ANK2: variants seen among roughly 807,000 people sequenced by gnomAD.
The protein encoded by ANK2 is ankyrin 2, also known as ankyrin-2.
In ANK2, 83 loss-of-function variants were observed where a neutral mutation model predicts 360.5. The ratio of observed to expected loss-of-function variants is 0.23; its 90% confidence interval spans 0.19 to 0.28. ANK2 has a LOEUF of 0.28. ANK2 is among the 10% of genes least tolerant of loss of function. The pLI is 1.00. For synonymous variants in ANK2, 1,740 were observed against 1,759.5 expected (o/e 0.99, Z 0.28); for missense variants, 4,201 against 4,795.7 (o/e 0.88, Z 3.66).
At chr4:113,143,475 G>T (rs2096718409) in intron 1 of ANK2, among the ~76,000 whole-genome samples, 1 of 152,204 alleles carries the variant, frequency 6.6e-6, no homozygotes, top group African/African-American at 2.4e-5. Flanking sequence ...CCAGAATGAA[G>T]TGAGGAGGCT....
chr4:112,974,829 GGTAAAAGTATA>G (rs1308938269), intron 2 of ANK2, among the ~76,000 whole-genome samples: 1 of 150,330 alleles, frequency 6.7e-6, no homozygotes, highest in East Asian at 1.9e-4. Flanking sequence ...TTTTTGTCCT[GGTAAAAGTATA>G]GAAAAAGAAA....
chr4:112,735,497 A>G, the ANK2 span, among the ~76,000 whole-genome samples: 2 of 151,956 alleles, frequency 1.3e-5, no homozygotes, highest in Non-Finnish European at 2.9e-5. Context: ...TTATCTCTTC[A>G]TCTTCCTGTC....
chr4:113,351,422 C>A (rs1308786117), intron 37 of ANK2, among the ~76,000 whole-genome samples: 1 of 151,980 alleles, frequency 6.6e-6, no homozygotes. Context: ...TGGATGTTTT[C>A]ATTGGTTTAT....
At chr4:113,255,683 G>C in intron 10 of ANK2, 52 bp from the exon 11 acceptor site, 1 of 1,592,876 alleles carries the variant, frequency 6.3e-7, no homozygotes, top group Non-Finnish European at 8.6e-7. Context: ...TTTGGAACCT[G>C]AAAATAATGA....
chr4:113,298,440 C>T (rs2073120350), intron 22 of ANK2, among the ~76,000 whole-genome samples: 1 of 152,070 alleles, frequency 6.6e-6, no homozygotes, highest in Non-Finnish European at 1.5e-5. Flanking sequence ...CAATTGGTGA[C>T]CAGGAGGATT....
At chr4:113,199,425 C>T (rs903234150) in intron 4 of ANK2, among the ~76,000 whole-genome samples, 7 of 152,050 alleles carry the variant, frequency 4.6e-5, no homozygotes, top group East Asian at 1.9e-4. Flanking sequence ...ATGCAAGTTT[C>T]GTGTTACTCT....
At chr4:112,829,505 A>AAAAAAAAAAAAAAAAAAAAAAAAAT (rs2059225387) in intron 1 of ANK2, among the ~76,000 whole-genome samples, 1 of 144,444 alleles carries the variant, frequency 6.9e-6, no homozygotes, top group African/African-American at 2.5e-5. Context: ...AAAAAAAAAA[A>AAAAAAAAAAAAAAAAAAAAAAAAAT]AAAAAGGAAG....
intron 2 of ANK2, among the ~76,000 whole-genome samples, chr4:112,994,348 A>G (rs964822891): frequency 1.3e-5 from 2 of 152,216 alleles, no homozygotes; most frequent in African/African-American, 4.8e-5. Flanking sequence ...ATTGCAATAA[A>G]TGGATGGACA....
At chr4:113,078,354 C>G (rs1180431123) in intron 1 of ANK2, among the ~76,000 whole-genome samples, 1 of 152,164 alleles carries the variant, frequency 6.6e-6, no homozygotes, top group East Asian at 1.9e-4. Context: ...AGAAGCAGCT[C>G]TTCCAGAAGG....
At chr4:113,289,233 T>TA (rs1490245917) in intron 20 of ANK2, among the ~76,000 whole-genome samples, 2 of 148,944 alleles carry the variant, frequency 1.3e-5, no homozygotes, top group East Asian at 3.9e-4. Flanking sequence ...TTTTTTTTTT[T>TA]AAGACAGGGT....
In ANK2 at chr4:113,049,665, G is replaced by T; in HGVS notation, c.-64G>T. On this transcript the variant is annotated 5_prime_UTR_variant, in exon 1 of 46. Coordinates refer to ENST00000357077, the MANE Select transcript of ANK2 (RefSeq NM_001148.6). ...GCTTTCCTCCAGTAAGTGCATACCC[G>T]CTAGTGGTCTGTACAGGCGGCACGG... 2 of 1,400,954 alleles carry T rather than the reference G, an allele frequency of 1.4e-6. No individual in the cohort carries two copies. Among genetic ancestry groups the T allele is most frequent in the African/African-American group, 1.5e-5 (1 of 68,222 alleles). 86.8% of individuals were successfully genotyped at this position (1,400,954 alleles called of 1,614,324 possible).
At chr4:113,315,784 A>G (rs913147495) in intron 24 of ANK2, among the ~76,000 whole-genome samples, 5 of 151,202 alleles carry the variant, frequency 3.3e-5, no homozygotes, top group African/African-American at 9.7e-5. Flanking sequence ...CTGTAGTCCC[A>G]GCTACTCGGG....
intron 1 of ANK2, among the ~76,000 whole-genome samples, chr4:112,884,420 T>A (rs2077677069): frequency 6.6e-6 from 1 of 152,350 alleles, no homozygotes; most frequent in Non-Finnish European, 1.5e-5. Flanking sequence ...AATGGTTGTG[T>A]TCCAATAAAA....
chr4:113,002,875 C>T (rs1158257615), intron 2 of ANK2, among the ~76,000 whole-genome samples: 1 of 152,136 alleles, frequency 6.6e-6, no homozygotes, highest in Non-Finnish European at 1.5e-5. Context: ...TGTAGTTCAC[C>T]AAATCACCTC....
chr4:112,736,305 TA>T, the ANK2 span, among the ~76,000 whole-genome samples: 1 of 151,676 alleles, frequency 6.6e-6, no homozygotes, highest in Non-Finnish European at 1.5e-5. Context: ...TCTACTAATA[TA>T]CAAAAAATTA....
chr4:112,788,182 G>A, the ANK2 span: 1 of 1,585,390 alleles, frequency 6.3e-7, no homozygotes, highest in Admixed American at 1.7e-5. Context: ...CCCAGTGACG[G>A]CAGATCTCAT....
At chr4:112,843,362 A>T (rs1415170791) in intron 1 of ANK2, among the ~76,000 whole-genome samples, 1 of 152,196 alleles carries the variant, frequency 6.6e-6, no homozygotes, top group Non-Finnish European at 1.5e-5. Flanking sequence ...CTCCATTAAG[A>T]TCTCACATTT....
At chr4:112,817,751 C>T (rs145931677), upstream of ANK2, among the ~76,000 whole-genome samples, 52 of 152,176 alleles carry the variant, frequency 3.4e-4, no homozygotes, top group East Asian at 9.8e-3. Flanking sequence ...ATCACTCCCA[C>T]GGCATTGGCA....
At chr4:113,200,824 G>A (rs1351487302) in intron 4 of ANK2, among the ~76,000 whole-genome samples, 1 of 151,960 alleles carries the variant, frequency 6.6e-6, no homozygotes, top group Non-Finnish European at 1.5e-5. Context: ...ACTCATAGGT[G>A]GGAATTGAAC....
Sources: allele counts gnomAD v4.1 joint callset (sites outside exome capture counted in the v4.1 genomes callset), GRCh38; gene constraint gnomAD v4.1.1; transcripts MANE v1.5; gene names NCBI Gene and HGNC (gene_info 2026-07-23, HGNC 2026-07-21).